The following N4BP2 variants were observed in gnomAD, a reference collection of about 807,000 sequenced individuals.
N4BP2 encodes the protein NEDD4 binding protein 2.
Under a neutral mutation model 152.8 loss-of-function variants are expected in N4BP2, and 91 were observed. That is an observed-to-expected ratio of 0.60 (90% CI 0.50 to 0.71). N4BP2 has a LOEUF of 0.71. Ranked by LOEUF, N4BP2 falls within the 30% of genes least tolerant of loss-of-function variation. The pLI, the probability that N4BP2 is intolerant of heterozygous loss-of-function variation, is 0.00. For missense variants in N4BP2, 1,923 were observed against 2,059.1 expected (o/e 0.93, Z 1.28); for synonymous variants, 646 against 705.3 (o/e 0.92, Z 1.33).
chr4:40,189,658 G>C, the N4BP2 span, among the ~76,000 whole-genome samples: 1 of 152,130 alleles, frequency 6.6e-6, no homozygotes, highest in Non-Finnish European at 1.5e-5. The surrounding 1 kb of genome is among the most constrained non-coding windows in gnomAD (Gnocchi z 4.3). Context: ...GGAGGCTGAG[G>C]GGGGCAGATC....
rs1721612874 is a variant in N4BP2, at chr4:40,156,568, CCTTT to C, written c.*2336_*2339del. On this transcript the variant is annotated 3_prime_UTR_variant, in exon 18 of 18. Transcript: ENST00000261435. ...TTTGAAAGAAAAGTTTGTAATCCCT[CCTTT>C]CTTTTTTTTGCCCATTTCTAAATCC... is the stretch of plus-strand genomic sequence containing the variant. The C allele has an allele frequency of 1.3e-5, 2 of 152,108 alleles. No individual in the cohort carries two copies. The highest frequency in any genetic ancestry group is 4.8e-5 in the African/African-American group (2 of 41,434). The allele number at this position is 152,108 out of a possible 1,614,324, so 9.4% of individuals were successfully genotyped here. A position where few individuals can be genotyped will look rare whatever the true frequency, so the allele number is the denominator to read the frequency against.
chr4:40,165,867 T>C, the N4BP2 span, among the ~76,000 whole-genome samples: 1 of 152,220 alleles, frequency 6.6e-6, no homozygotes, highest in South Asian at 2.1e-4. Context: ...TCCATTCTTA[T>C]ATTCCGTAGA....
chr4:40,145,198 T>A (rs1414928734), intron 16 of N4BP2, among the ~76,000 whole-genome samples: 1 of 152,188 alleles, frequency 6.6e-6, no homozygotes, highest in Non-Finnish European at 1.5e-5. Context: ...GGTGATAGGA[T>A]TCTCCCACTC....
chr4:40,075,801 G>A (rs1712670582), intron 2 of N4BP2, among the ~76,000 whole-genome samples: 1 of 152,062 alleles, frequency 6.6e-6, no homozygotes, highest in Non-Finnish European at 1.5e-5. Context: ...TGTTTAGGAT[G>A]TTATAACAGA....
chr4:40,110,951 T>G (rs1044564770), intron 5 of N4BP2, among the ~76,000 whole-genome samples: 1 of 152,250 alleles, frequency 6.6e-6, no homozygotes, highest in African/African-American at 2.4e-5. Flanking sequence ...CTTGTTGTGG[T>G]ACATCATTAA....
intron 13 of N4BP2, among the ~76,000 whole-genome samples, chr4:40,135,424 T>C (rs1440111345): frequency 1.3e-5 from 2 of 152,010 alleles, no homozygotes; most frequent in Admixed American, 1.3e-4. Context: ...TGCATGTGTC[T>C]TTATAGCAGC....
At chr4:40,177,501 A>G in the N4BP2 span, among the ~76,000 whole-genome samples, 1 of 152,132 alleles carries the variant, frequency 6.6e-6, no homozygotes, top group Non-Finnish European at 1.5e-5. Flanking sequence ...CTGTAATCCC[A>G]GCTACTCTGG....
chr4:40,121,413 C>T lies in N4BP2; in HGVS notation c.3302C>T (p.Ser1101Phe), dbSNP rs1297974467. ...NLNILCKLFG[S>F]FSLEALKDLY... is the part of the protein sequence containing the mutation. Reference sequence around the variant, plus strand: ...AACATTCTTTGTAAACTGTTTGGATCCTTTTCATTAGAAGCCCTGAAAGAC... The same window carrying T: ...AACATTCTTTGTAAACTGTTTGGATTCTTTTCATTAGAAGCCCTGAAAGAC... The change falls in exon 9 of 18, where the codon TCC becomes TTC. Residue 1101 changes from serine (S) to phenylalanine (F), a missense_variant. Physicochemically the swap from Ser to Phe is radical, Grantham distance 155. Transcript: ENST00000261435. 2 of 1,611,928 alleles carry T rather than the reference C, an allele frequency of 1.2e-6. No homozygotes were observed. The highest frequency in any genetic ancestry group is 1.7e-6 in the Non-Finnish European group (2 of 1,179,406).
Position 40,120,762 on chromosome 4 carries a change from A to G in N4BP2, c.2651A>G (p.Asp884Gly). The part of the protein sequence containing the change: ...IDKNSFNIMG[D>G]WPSSDSLAQR... ...AAAAACTCATTCAACATTATGGGTG[A>G]CTGGCCTTCATCTGATTCTTTAGCT... The change falls in exon 9 of 18, where the codon GAC (aspartate) becomes GGC (glycine). Residue 884 changes from aspartate to glycine, a missense_variant. By Grantham distance (94) the Asp-to-Gly change is moderately conservative. Coordinates refer to ENST00000261435, the MANE Select transcript of N4BP2 (RefSeq NM_018177.6). 6.2e-7 allele frequency: 1 copy of G among 1,614,196 alleles called. No individual in the cohort carries two copies. The highest frequency in any genetic ancestry group is 8.5e-7 in the Non-Finnish European group (1 of 1,180,028).
At chr4:40,160,984 G>T (rs908046834), downstream of N4BP2, among the ~76,000 whole-genome samples, 1 of 152,066 alleles carries the variant, frequency 6.6e-6, no homozygotes, top group Non-Finnish European at 1.5e-5. Flanking sequence ...AAACAATTTC[G>T]CCCTCCTTCC....
Position 40,117,900 on chromosome 4 carries a change from A to C in N4BP2, c.1696A>C (p.Ile566Leu), listed in dbSNP as rs775079839. ...RNIHGVSKEK[I>L]TRMLEHYQRF... ...CATTCATGGGGTAAGCAAAGAAAAAATAACAAGAATGTTGGAACATTATCA... is the reference window on the plus strand; with the variant it reads ...CATTCATGGGGTAAGCAAAGAAAAACTAACAAGAATGTTGGAACATTATCA... Residue 566 changes from isoleucine to leucine, a missense_variant, in exon 8 of 18, where the codon ATA becomes CTA. Coordinates refer to ENST00000261435, the MANE Select transcript of N4BP2 (RefSeq NM_018177.6). 3.1e-6 allele frequency: 5 copies of C among 1,611,138 alleles called. No individual in the cohort carries two copies. The highest frequency in any genetic ancestry group is 4.2e-6 in the Non-Finnish European group (5 of 1,178,866).
chr4:40,128,637 C>T (rs1718640529), intron 12 of N4BP2, among the ~76,000 whole-genome samples: 1 of 151,554 alleles, frequency 6.6e-6, no homozygotes. Flanking sequence ...GAGTGATTCT[C>T]CTGCCTCAGC....
chr4:40,078,113 ATGTGTGTGTGTGTGTG>A (rs71194969), intron 2 of N4BP2: 5 of 142,748 alleles, frequency 3.5e-5, no homozygotes, highest in African/African-American at 7.7e-5. Flanking sequence ...ATATTTCTAA[ATGTGTGTGTGTGTGTG>A]TGTGTGTGTG....
chr4:40,161,883 G>A (rs1721869895), downstream of N4BP2, among the ~76,000 whole-genome samples: 1 of 152,206 alleles, frequency 6.6e-6, no homozygotes, highest in Non-Finnish European at 1.5e-5. Context: ...GAATTAACCT[G>A]CATAGTAGCT....
At chr4:40,176,414 T>C in the N4BP2 span, among the ~76,000 whole-genome samples, 1 of 152,220 alleles carries the variant, frequency 6.6e-6, no homozygotes, top group African/African-American at 2.4e-5. Context: ...CAAAAGTAGA[T>C]TCTTAGATTA....
the N4BP2 span, among the ~76,000 whole-genome samples, chr4:40,188,561 A>G: frequency 1.3e-5 from 2 of 152,038 alleles, no homozygotes; most frequent in African/African-American, 2.4e-5. Context: ...CCTGGGCAAC[A>G]TAGGGAAACC....
intron 2 of N4BP2, 68 bp from the exon 3 acceptor site, chr4:40,097,159 G>T (rs897714165): frequency 1.8e-6 from 1 of 545,756 alleles, no homozygotes; most frequent in South Asian, 2.4e-5. Context: ...GCTAAATAAA[G>T]ATGTCATTCC....
At chr4:40,058,183 G>A (rs974867056) in intron 1 of N4BP2, among the ~76,000 whole-genome samples, 1 of 152,102 alleles carries the variant, frequency 6.6e-6, no homozygotes. Context: ...TTTTCACTCC[G>A]TTTTTATTAC....
At position 40,144,700 on chromosome 4, in the gene N4BP2, C is replaced by A; in HGVS notation, c.5043C>A (p.Val1681=). ...HLAAIEIFEK[V]NASLLPQNVL... ...CTGCCATAGAGATCTTTGAGAAAGT[C>A]AATGCTTCGCTGCTGCCACAGAATG... Residue 1681 remains valine, a synonymous_variant, in exon 16 of 18, where the codon GTC becomes GTA. Coordinates refer to ENST00000261435, the MANE Select transcript of N4BP2 (RefSeq NM_018177.6). The A allele has an allele frequency of 6.2e-7, 1 of 1,613,992 alleles. No homozygotes were observed. The highest frequency in any genetic ancestry group is 8.5e-7 in the Non-Finnish European group (1 of 1,179,956).
Sources: allele counts gnomAD v4.1 joint callset (sites outside exome capture counted in the v4.1 genomes callset), GRCh38; gene constraint gnomAD v4.1.1; non-coding constraint Gnocchi (gnomAD v3.1); transcripts MANE v1.5; gene names NCBI Gene and HGNC (gene_info 2026-07-23, HGNC 2026-07-21).